GADL1: variants seen among roughly 807,000 people sequenced by gnomAD.
GADL1 encodes acidic amino acid decarboxylase GADL1.
A neutral mutation model predicts 69.5 loss-of-function variants in GADL1; 71 were observed. The ratio of observed to expected loss-of-function variants is 1.02; its 90% CI spans 0.84 to 1.25. The LOEUF (loss-of-function observed/expected upper bound fraction) is 1.25, where lower values mean the gene tolerates loss of function less well. GADL1 is among the 50% of genes most tolerant of loss of function. GADL1 has a pLI of 0.00. For missense variants in GADL1, 737 were observed against 631.8 expected (o/e 1.17, Z -1.79); for synonymous variants, 254 against 214.4 (o/e 1.18, Z -1.62).
chr3:30,848,073 A>T (rs1698085164), intron 6 of GADL1, among the ~76,000 whole-genome samples: 1 of 152,214 alleles, frequency 6.6e-6, no homozygotes, highest in African/African-American at 2.4e-5. Flanking sequence ...TGAATGCAGA[A>T]GAGACTCTGC....
intron 12 of GADL1, among the ~76,000 whole-genome samples, chr3:30,791,067 C>A (rs1007166872): frequency 2.0e-5 from 3 of 151,654 alleles, no homozygotes; most frequent in African/African-American, 7.3e-5. Context: ...AATTGTTTAC[C>A]TGAGGGAGGG....
intron 14 of GADL1, among the ~76,000 whole-genome samples, chr3:30,765,827 A>T (rs553387417): frequency 7.2e-5 from 11 of 152,172 alleles, no homozygotes; most frequent in Non-Finnish European, 1.3e-4. Context: ...TATGCTTAAA[A>T]TTCATCAGCC....
intron 1 of GADL1, among the ~76,000 whole-genome samples, chr3:30,889,371 G>A (rs1275355360): frequency 2.0e-5 from 3 of 152,146 alleles, no homozygotes; most frequent in Non-Finnish European, 4.4e-5. Flanking sequence ...CTCGTTCCTG[G>A]AGCTGCCTTT....
At chr3:30,745,587 G>C (rs1216185453) in intron 14 of GADL1, among the ~76,000 whole-genome samples, 1 of 152,136 alleles carries the variant, frequency 6.6e-6, no homozygotes, top group Non-Finnish European at 1.5e-5. Flanking sequence ...CTCAGATTGA[G>C]ACATCAAATT....
At chr3:30,796,554 G>A (rs148323305) in intron 12 of GADL1, among the ~76,000 whole-genome samples, 3 of 152,092 alleles carry the variant, frequency 2.0e-5, no homozygotes, top group Admixed American at 6.6e-5. Flanking sequence ...ACTTTCCTCG[G>A]GATTGTTGAG....
At chr3:30,758,683 T>G (rs1405351505) in intron 14 of GADL1, among the ~76,000 whole-genome samples, 1 of 152,236 alleles carries the variant, frequency 6.6e-6, no homozygotes, top group Non-Finnish European at 1.5e-5. Context: ...CCTGGATTCT[T>G]ATCACTGAGA....
At chr3:30,846,445 GCTT>G (rs1236498899) in intron 6 of GADL1, among the ~76,000 whole-genome samples, 6 of 152,126 alleles carry the variant, frequency 3.9e-5, no homozygotes, top group African/African-American at 1.4e-4. Flanking sequence ...ATGACCTTGA[GCTT>G]CTCAATGAAC....
intron 14 of GADL1, among the ~76,000 whole-genome samples, chr3:30,745,271 C>G (rs1695686021): frequency 6.6e-6 from 1 of 152,156 alleles, no homozygotes; most frequent in Non-Finnish European, 1.5e-5. Context: ...AGGTGAAGCA[C>G]AGAATCCTTT....
chr3:30,741,216 G>T (rs1400109616), intron 14 of GADL1, among the ~76,000 whole-genome samples: 2 of 146,670 alleles, frequency 1.4e-5, no homozygotes, highest in Admixed American at 1.4e-4. Flanking sequence ...GTGTGTGTGT[G>T]TGTATTCCAA....
At chr3:30,869,624 A>G (rs942321881) in intron 1 of GADL1, among the ~76,000 whole-genome samples, 1 of 147,988 alleles carries the variant, frequency 6.8e-6, no homozygotes, top group African/African-American at 2.5e-5. Flanking sequence ...ATGGGTATCT[A>G]TTTTATTTTA....
intron 11 of GADL1, among the ~76,000 whole-genome samples, chr3:30,809,521 T>C (rs1697315546): frequency 6.6e-6 from 1 of 152,194 alleles, no homozygotes; most frequent in South Asian, 2.1e-4. Flanking sequence ...CAGTTCTGAA[T>C]CATTTTTTGA....
rs779442134 is a variant in GADL1, at chr3:30,854,754, G to A, written c.373C>T (p.Leu125Phe). The change falls in exon 4 of 15, where the codon CTT becomes TTT. Residue 125 changes from leucine (L) to phenylalanine (F), a missense_variant. Leu to Phe is a conservative substitution (Grantham distance 22, BLOSUM62 0). Coordinates refer to ENST00000282538, the MANE Select transcript of GADL1 (RefSeq NM_207359.3). ...CGGGCCACCAAGGAGTAATAATCAA[G>A]TCCAGCATACAATTGGTTGAAAAAT... ...PRFFNQLYAGLDYYSLVARFM... is the reference protein window; with the variant it reads ...PRFFNQLYAGFDYYSLVARFM... The A allele has an allele frequency of 1.3e-6, 2 of 1,549,126 alleles. No individual in the cohort carries two copies. Among genetic ancestry groups the A allele is most frequent in the South Asian group, 2.4e-5 (2 of 83,898 alleles).
intron 12 of GADL1, among the ~76,000 whole-genome samples, chr3:30,794,558 C>T (rs1696990201): frequency 6.6e-6 from 1 of 152,100 alleles, no homozygotes; most frequent in Admixed American, 6.6e-5. Flanking sequence ...GCTTTAGGCT[C>T]TCAGTGTCAC....
chr3:30,777,059 G>C (rs1024083), intron 14 of GADL1, among the ~76,000 whole-genome samples: 9,406 of 152,156 alleles, frequency 0.062, 540 homozygotes, highest in South Asian at 0.2. Context: ...GTTACCTTGT[G>C]ATTGTCTCTT....
chr3:30,755,132 T>A (rs1466500950), intron 14 of GADL1, among the ~76,000 whole-genome samples: 1 of 147,832 alleles, frequency 6.8e-6, no homozygotes, highest in Non-Finnish European at 1.5e-5. Context: ...GACTTGGGAC[T>A]CTATAGTGAA....
chr3:30,728,361 A>C lies in GADL1; in HGVS notation c.1447T>G (p.Tyr483Asp). Residue 483 changes from tyrosine (Y) to aspartate (D), a missense_variant, in exon 15 of 15, where the codon TAC (tyrosine) becomes GAC (aspartate). By Grantham distance (160) the Tyr-to-Asp change is radical (BLOSUM62 -3). Coordinates refer to ENST00000282538, the MANE Select transcript of GADL1 (RefSeq NM_207359.3). ...TTGACCTTTCCCCGGTGCGGCTGGT[A>C]GCCCAGCATCAAGCTTCCCTTCTTC... is the stretch of plus-strand genomic sequence containing the variant. ...MMKKGSLMLGYQPHRGKVNFF... is the reference protein window; with the variant it reads ...MMKKGSLMLGDQPHRGKVNFF... 1.2e-6 allele frequency: 2 copies of C among 1,613,854 alleles called. No homozygotes were observed. Among genetic ancestry groups the C allele is most frequent in the South Asian group, 2.2e-5 (2 of 91,076 alleles).
intron 12 of GADL1, among the ~76,000 whole-genome samples, chr3:30,792,818 C>A (rs1402120171): frequency 6.6e-6 from 1 of 152,056 alleles, no homozygotes; most frequent in Admixed American, 6.6e-5. Context: ...AGAATATTTT[C>A]CCCAGAAGTC....
chr3:30,816,807 A>G (rs1352001290), intron 11 of GADL1, among the ~76,000 whole-genome samples: 1 of 151,744 alleles, frequency 6.6e-6, no homozygotes, highest in Non-Finnish European at 1.5e-5. Flanking sequence ...CAGCCTCCCA[A>G]AGTGCTGGGA....
chr3:30,771,394 G>A (rs889599316), intron 14 of GADL1, among the ~76,000 whole-genome samples: 2 of 152,138 alleles, frequency 1.3e-5, no homozygotes, highest in Non-Finnish European at 2.9e-5. Context: ...AGGTTTTAAT[G>A]GTTTGGGGAA....
Sources: allele counts gnomAD v4.1 joint callset (sites outside exome capture counted in the v4.1 genomes callset), GRCh38; gene constraint gnomAD v4.1.1; transcripts MANE v1.5; gene names NCBI Gene and HGNC (gene_info 2026-07-23, HGNC 2026-07-21).